EMP2: variants seen among roughly 807,000 people sequenced by gnomAD.
EMP2 encodes the protein epithelial membrane protein 2.
Under a neutral mutation model 13.7 loss-of-function variants are expected in EMP2, and 19 were observed. The ratio of observed to expected loss-of-function variants is 1.38; its 90% confidence interval spans 0.97 to 2.03. EMP2 has a LOEUF of 2.03. Among genes scored for constraint, EMP2 ranks in the 30% most tolerant of loss-of-function variants. The pLI is 0.00. For missense variants in EMP2, 253 were observed against 220.7 expected (o/e 1.15, Z -0.93); for synonymous variants, 97 against 84.7 (o/e 1.15, Z -0.80).
intron 1 of EMP2, among the ~76,000 whole-genome samples, chr16:10,559,376 T>A (rs1351641876): frequency 6.6e-6 from 1 of 152,208 alleles, no homozygotes; most frequent in Non-Finnish European, 1.5e-5. Flanking sequence ...GCCGCCCAGC[T>A]CCATGCTCAC....
intron 3 of EMP2, among the ~76,000 whole-genome samples, chr16:10,539,066 C>T (rs1012165351): frequency 3.9e-5 from 6 of 151,986 alleles, no homozygotes; most frequent in African/African-American, 1.2e-4. Context: ...CCTTCCTCAT[C>T]GGGCTAGGAA....
chr16:10,549,333 C>T (rs1567204450), intron 1 of EMP2, among the ~76,000 whole-genome samples: 1 of 152,206 alleles, frequency 6.6e-6, no homozygotes, highest in Non-Finnish European at 1.5e-5. Context: ...GGCATGAATA[C>T]ATGAGGACTT....
At chr16:10,536,325 A>G (rs1015238422) in intron 4 of EMP2, among the ~76,000 whole-genome samples, 1 of 152,080 alleles carries the variant, frequency 6.6e-6, no homozygotes, top group African/African-American at 2.4e-5. Context: ...CAGTGGTGCT[A>G]TGGTTTGGCT....
intron 1 of EMP2, among the ~76,000 whole-genome samples, chr16:10,562,378 C>CTA (rs58266696): frequency 0.011 from 1,446 of 135,136 alleles, 26 homozygotes; most frequent in African/African-American, 0.036. Context: ...CTCTCTCTCT[C>CTA]TCTATCTATC....
rs969284953 is a variant in EMP2 at position 10,562,326 on chromosome 16, C to A, written c.-60-14649G>T. 3.3e-5 allele frequency among the ~76,000 whole-genome samples: 5 copies of A among 149,884 alleles called. No homozygotes were observed. The East Asian group carries it at 9.8e-4, about 29-fold the overall frequency. ...ATTCTGGGCCAAAGCCTCAAGAAGC[C>A]TCATGCATGTTCTCTCTCTCTCTCT... On this transcript the variant is annotated intron_variant, in intron 1 of 4. Transcript: ENST00000359543.
chr16:10,550,077 G>C (rs1291509547), intron 1 of EMP2, among the ~76,000 whole-genome samples: 1 of 151,592 alleles, frequency 6.6e-6, no homozygotes, highest in East Asian at 1.9e-4. Flanking sequence ...GTACAGACAG[G>C]GTTTCACTAT....
chr16:10,560,515 G>C (rs1028258228), intron 1 of EMP2, among the ~76,000 whole-genome samples: 1 of 152,204 alleles, frequency 6.6e-6, no homozygotes, highest in African/African-American at 2.4e-5. Flanking sequence ...CCCCTTGCCC[G>C]TTCTTTAAAA....
intron 1 of EMP2, chr16:10,576,532 T>G (rs531985673): frequency 3.9e-5 from 6 of 151,920 alleles, no homozygotes; most frequent in African/African-American, 1.4e-4. Context: ...ATCCTAGATT[T>G]CTCAGGACAA....
chr16:10,532,713 G>C lies in EMP2; in HGVS notation c.*192C>G, dbSNP rs1596366183. 6.8e-6 allele frequency: 3 copies of C among 439,220 alleles called. No homozygotes were observed. In the East Asian group the frequency reaches 1.3e-4, roughly 19 times the overall value. The allele number at this position is 439,220 out of a possible 1,614,324, so 27.2% of individuals were successfully genotyped here. On this transcript the variant is annotated 3_prime_UTR_variant, in exon 5 of 5. Coordinates refer to ENST00000359543, the MANE Select transcript of EMP2 (RefSeq NM_001424.6). ...TTCATAGTCTATTCTCTGATCTCAA[G>C]AATGCAAAAACTCTTCTCTCTTTTG...
chr16:10,556,067 C>A (rs1226606442), intron 1 of EMP2, among the ~76,000 whole-genome samples: 1 of 152,202 alleles, frequency 6.6e-6, no homozygotes, highest in African/African-American at 2.4e-5. Flanking sequence ...CATCTCAATA[C>A]AGTCTACATT....
In EMP2 at chr16:10,547,625, G is replaced by C. The variant is rs748282302; in HGVS notation, c.-8C>G. On this transcript the variant is annotated 5_prime_UTR_variant, in exon 2 of 5. Coordinates refer to ENST00000359543, the MANE Select transcript of EMP2 (RefSeq NM_001424.6). ...AGCAAGAAGCACCAACATTTTCACA[G>C]GGCAGGGCGAGTCGAGGCGAGGGGT... 1.2e-6 allele frequency: 2 copies of C among 1,614,170 alleles called. No individual in the cohort carries two copies. Among genetic ancestry groups the C allele is most frequent in the Non-Finnish European group, 1.7e-6 (2 of 1,180,018 alleles).
At chr16:10,543,825 G>C (rs2050719613) in intron 2 of EMP2, among the ~76,000 whole-genome samples, 165 bp from the exon 3 acceptor site, 1 of 152,144 alleles carries the variant, frequency 6.6e-6, no homozygotes, top group Non-Finnish European at 1.5e-5. Flanking sequence ...CAGGAGGTCT[G>C]GGGTGGGGAC....
At chr16:10,555,656 C>T (rs111624505) in intron 1 of EMP2, among the ~76,000 whole-genome samples, 7,225 of 151,414 alleles carry the variant, frequency 0.048, 580 homozygotes, top group African/African-American at 0.17. Context: ...GGAGCGATCT[C>T]GGCTCACCAC....
At chr16:10,570,544 T>A (rs2050939982) in intron 1 of EMP2, among the ~76,000 whole-genome samples, 1 of 152,066 alleles carries the variant, frequency 6.6e-6, no homozygotes. Context: ...ACTACAGGCA[T>A]GTGCCACCAC....
intron 1 of EMP2, among the ~76,000 whole-genome samples, chr16:10,566,620 A>G (rs889529576): frequency 2.0e-5 from 3 of 152,242 alleles, no homozygotes; most frequent in African/African-American, 7.2e-5. Context: ...AGCATTAAAC[A>G]GGGATCTCTC....
chr16:10,538,650 C>T (rs1232517573), intron 3 of EMP2, among the ~76,000 whole-genome samples: 1 of 152,038 alleles, frequency 6.6e-6, no homozygotes, highest in African/African-American at 2.4e-5. Flanking sequence ...AGGTTTGGGG[C>T]TCAGTACAGA....
chr16:10,531,899 G>C lies in EMP2; in HGVS notation c.*1006C>G. 6.5e-6 allele frequency: 1 copy of C among 154,902 alleles called. No homozygotes were observed. The highest frequency in any genetic ancestry group is 5.2e-4 in the Middle Eastern group (1 of 1,926). The allele number at this position is 154,902 out of a possible 1,614,324, so 9.6% of individuals were successfully genotyped here. A position where few individuals can be genotyped will look rare whatever the true frequency, so the allele number is the denominator to read the frequency against. The stretch of plus-strand genomic sequence containing the variant: ...GCCTTCTGGGATAAGATGGGAAGGA[G>C]GCTGTACCCCACACCCTGAAGGTGT... On this transcript the variant is annotated 3_prime_UTR_variant, in exon 5 of 5. Transcript: ENST00000359543.
At chr16:10,545,791 G>C (rs2050734365) in intron 2 of EMP2, 1 of 150,810 alleles carries the variant, frequency 6.6e-6, no homozygotes, top group African/African-American at 2.4e-5. Context: ...CCCCTCCCCA[G>C]TCTGTAGAAA....
Position 10,538,089 on chromosome 16 carries a change from CA to C in EMP2, c.170-16del, listed in dbSNP as rs748578536. ...CGTGGAGTACTCTGCGGGAAAAGGG[CA>C]GGGGCGCAGGACTGAGGACCTTGGC... On this transcript the variant is annotated splice_polypyrimidine_tract_variant and intron_variant, in intron 3 of 4. Transcript: ENST00000359543. 6.8e-6 allele frequency: 11 copies of C among 1,612,174 alleles called. No individual in the cohort carries two copies. The highest frequency in any genetic ancestry group is 9.3e-6 in the Non-Finnish European group (11 of 1,179,560).
Sources: allele counts gnomAD v4.1 joint callset (sites outside exome capture counted in the v4.1 genomes callset), GRCh38; gene constraint gnomAD v4.1.1; transcripts MANE v1.5; gene names NCBI Gene and HGNC (gene_info 2026-07-23, HGNC 2026-07-21).